The following SRBD1 variants were observed in gnomAD, a reference collection of about 807,000 sequenced individuals.
SRBD1 encodes the protein S1 RNA binding domain 1.
In SRBD1, 88 loss-of-function variants were observed where a neutral mutation model predicts 115.3. The observed-to-expected ratio is 0.76, with a 90% CI of 0.64 to 0.91. The LOEUF is 0.91. Ranked by LOEUF, SRBD1 falls within the 40% of genes least tolerant of loss-of-function variation. The pLI, the probability that SRBD1 is intolerant of heterozygous loss-of-function variation, is 0.00. For missense variants in SRBD1, 1,385 were observed against 1,177.4 expected (o/e 1.18, Z -2.58); for synonymous variants, 509 against 407.7 (o/e 1.25, Z -2.99).
chr2:45,515,949 G>C (rs1671105564), intron 14 of SRBD1, among the ~76,000 whole-genome samples: 1 of 152,082 alleles, frequency 6.6e-6, no homozygotes, highest in African/African-American at 2.4e-5. Context: ...ACACTCTAAA[G>C]GGAATCCCTA....
chr2:45,589,342 T>C (rs1673642057), intron 4 of SRBD1, among the ~76,000 whole-genome samples: 2 of 152,164 alleles, frequency 1.3e-5, no homozygotes, highest in Admixed American at 6.5e-5. Flanking sequence ...TAAAACAGCA[T>C]GTGCCAGGCA....
chr2:45,607,193 T>C (rs1292253121), intron 1 of SRBD1, among the ~76,000 whole-genome samples: 1 of 152,194 alleles, frequency 6.6e-6, no homozygotes, highest in East Asian at 1.9e-4. Flanking sequence ...AAAGAACAGG[T>C]AATTGTGATT....
chr2:45,436,909 G>C (rs1668515580), intron 16 of SRBD1, among the ~76,000 whole-genome samples: 1 of 152,130 alleles, frequency 6.6e-6, no homozygotes, highest in East Asian at 1.9e-4. Flanking sequence ...ACTAATACGT[G>C]ATCACAGCAA....
chr2:45,476,583 T>G (rs1478147588), intron 16 of SRBD1, among the ~76,000 whole-genome samples: 1 of 152,202 alleles, frequency 6.6e-6, no homozygotes, highest in East Asian at 1.9e-4. Context: ...GTACTATTAT[T>G]ACCTACCACT....
intron 4 of SRBD1, among the ~76,000 whole-genome samples, chr2:45,593,192 C>G (rs1673778853): frequency 6.6e-6 from 1 of 152,092 alleles, no homozygotes; most frequent in Non-Finnish European, 1.5e-5. Flanking sequence ...ACGTTCCAAA[C>G]ACTCTTACAC....
At chr2:45,514,593 A>G (rs1456126872) in intron 14 of SRBD1, among the ~76,000 whole-genome samples, 1 of 152,150 alleles carries the variant, frequency 6.6e-6, no homozygotes, top group Non-Finnish European at 1.5e-5. Flanking sequence ...CCTACATAAT[A>G]CATGGCTAGA....
intron 15 of SRBD1, among the ~76,000 whole-genome samples, chr2:45,480,439 C>G (rs1669928125): frequency 6.6e-6 from 1 of 152,144 alleles, no homozygotes; most frequent in African/African-American, 2.4e-5. Flanking sequence ...TTTCAACTCT[C>G]ATGGATGACT....
At chr2:45,583,038 C>G (rs1272212743) in intron 5 of SRBD1, among the ~76,000 whole-genome samples, 3 of 152,172 alleles carry the variant, frequency 2.0e-5, no homozygotes, top group Non-Finnish European at 4.4e-5. Context: ...CAGGTTTTCA[C>G]TGTGAATATA....
intron 19 of SRBD1, among the ~76,000 whole-genome samples, chr2:45,409,438 T>G (rs1201367409): frequency 1.1e-4 from 16 of 150,078 alleles, no homozygotes; most frequent in Non-Finnish European, 5.9e-5. Flanking sequence ...TGGCCCAAAG[T>G]TGAGAACAAG....
intron 16 of SRBD1, among the ~76,000 whole-genome samples, chr2:45,460,611 A>G (rs1432214163): frequency 6.6e-6 from 1 of 152,222 alleles, no homozygotes; most frequent in Non-Finnish European, 1.5e-5. Flanking sequence ...TTTAGAAGAG[A>G]GAAAGGAAGA....
chr2:45,564,814 G>C (rs946173675), intron 9 of SRBD1, among the ~76,000 whole-genome samples: 1 of 152,112 alleles, frequency 6.6e-6, no homozygotes, highest in Non-Finnish European at 1.5e-5. Context: ...TGAAACCCAC[G>C]CATAAGGAGA....
chr2:45,486,759 T>TAAAATG (rs112515342), intron 15 of SRBD1, among the ~76,000 whole-genome samples: 1 of 149,946 alleles, frequency 6.7e-6, no homozygotes, highest in African/African-American at 2.5e-5. Flanking sequence ...TAAAATAAAA[T>TAAAATG]AAATAAATAA....
chr2:45,419,862 T>C lies in SRBD1; in HGVS notation c.2082A>G (p.Thr694=), dbSNP rs151249868. ...CACATTCTTCTACAACACTGTCCAG[T>C]GTTGCCTTGAGTAAAGTCTGGGATA... ...HDVSQTLLKA[T]LDSVVEECVS... The change falls in exon 17 of 21, where the codon ACA becomes ACG. Residue 694 remains threonine (T), a synonymous_variant. Transcript: ENST00000263736. 6.1e-4 allele frequency: 986 copies of C among 1,613,662 alleles called. 7 individuals carry two copies. The East Asian group carries it at 0.014, about 23-fold the overall frequency.
At chr2:45,604,379 G>A (rs1378711823) in intron 2 of SRBD1, among the ~76,000 whole-genome samples, 1 of 151,422 alleles carries the variant, frequency 6.6e-6, no homozygotes, top group East Asian at 1.9e-4. Context: ...GGAGGGGAGA[G>A]GGGAAGGGGG....
At chr2:45,503,408 A>G (rs1670698539) in intron 14 of SRBD1, among the ~76,000 whole-genome samples, 1 of 152,200 alleles carries the variant, frequency 6.6e-6, no homozygotes, top group Non-Finnish European at 1.5e-5. Flanking sequence ...CCTACTTATG[A>G]AAAATATAAG....
chr2:45,577,089 T>C (rs965057344), intron 7 of SRBD1, among the ~76,000 whole-genome samples: 1 of 152,162 alleles, frequency 6.6e-6, no homozygotes, highest in African/African-American at 2.4e-5. Context: ...CTGATACTCA[T>C]TCAACTTTAA....
chr2:45,525,077 A>G (rs1671401623), intron 14 of SRBD1, among the ~76,000 whole-genome samples: 1 of 151,980 alleles, frequency 6.6e-6, no homozygotes, highest in Admixed American at 6.6e-5. Flanking sequence ...GGACTACTGG[A>G]TAGCCACAGG....
intron 10 of SRBD1, among the ~76,000 whole-genome samples, chr2:45,560,055 T>A (rs1672610851): frequency 6.6e-6 from 1 of 151,696 alleles, no homozygotes; most frequent in South Asian, 2.1e-4. Context: ...CACTCCAGCA[T>A]GAGTGACAGA....
At chr2:45,427,702 G>A (rs1454755184) in intron 16 of SRBD1, among the ~76,000 whole-genome samples, 2 of 152,208 alleles carry the variant, frequency 1.3e-5, no homozygotes, top group East Asian at 3.9e-4. Context: ...GAACATCAAT[G>A]CGAAAATCCT....
Sources: gnomAD v4.1 joint callset for allele counts (sites outside exome capture counted in the v4.1 genomes callset) on GRCh38, gnomAD v4.1.1 for gene constraint, MANE v1.5 for transcripts, NCBI Gene and HGNC (gene_info 2026-07-23, HGNC 2026-07-21) for gene names.